ENO4: variants seen among roughly 807,000 people sequenced by gnomAD.
The protein encoded by ENO4 is enolase 4, also known as 2-phospho-D-glycerate hydro-lyase.
In ENO4, 53 loss-of-function variants were observed where a neutral mutation model predicts 63.2. The ratio of observed to expected loss-of-function variants is 0.84; its 90% confidence interval spans 0.67 to 1.05. The LOEUF is 1.05. Ranked by LOEUF, ENO4 falls within the 50% of genes least tolerant of loss-of-function variation. The probability of loss-of-function intolerance (pLI) is 0.00; values close to 1 mark genes in which losing one functional copy is unlikely to be tolerated. For synonymous variants in ENO4, 266 were observed against 283.8 expected (o/e 0.94, Z 0.63); for missense variants, 719 against 772.0 (o/e 0.93, Z 0.81).
intron 10 of ENO4, among the ~76,000 whole-genome samples, chr10:116,888,717 T>A (rs1376973610): frequency 6.6e-6 from 1 of 152,198 alleles, no homozygotes; most frequent in Non-Finnish European, 1.5e-5. Context: ...ACATGCCAGT[T>A]AGGTGAGTCA....
chr10:116,856,342 C>A, intron 2 of ENO4, 150 bp from the exon 3 acceptor site: 1 of 660,948 alleles, frequency 1.5e-6, no homozygotes, highest in Non-Finnish European at 2.5e-6. Context: ...GTTTCAACAG[C>A]TATAAAAATA....
intron 3 of ENO4, among the ~76,000 whole-genome samples, chr10:116,857,781 G>A (rs182872179): frequency 2.8e-4 from 42 of 151,928 alleles, no homozygotes; most frequent in Middle Eastern, 3.4e-3. Flanking sequence ...GGGATTACAT[G>A]CACTTGCCAC....
chr10:116,868,907 G>A (rs545335745), intron 8 of ENO4, among the ~76,000 whole-genome samples: 55 of 152,250 alleles, frequency 3.6e-4, no homozygotes, highest in African/African-American at 1.1e-3. Flanking sequence ...CCCGACCATC[G>A]CTGGCAGCAG....
chr10:116,902,279 T>C (rs1055171323), intron 10 of ENO4, among the ~76,000 whole-genome samples: 1 of 152,194 alleles, frequency 6.6e-6, no homozygotes, highest in Non-Finnish European at 1.5e-5. Flanking sequence ...AGAGTATGGC[T>C]TTCTGACAGC....
chr10:116,891,915 G>T (rs758590654), intron 10 of ENO4, among the ~76,000 whole-genome samples: 1 of 152,068 alleles, frequency 6.6e-6, no homozygotes, highest in Non-Finnish European at 1.5e-5. Flanking sequence ...CTCAAAGAAC[G>T]TATTAAGTTT....
rs1847014099 is a variant in ENO4, at chr10:116,881,557, C to A, written c.1766C>A (p.Ala589Asp). The change falls in exon 14 of 14, where the codon GCT becomes GAT. Residue 589 changes from alanine to aspartate, a missense_variant. Ala to Asp is a moderately radical substitution (Grantham distance 126, BLOSUM62 -2). This residue lies in a region of ENO4 where 168 missense variants were observed against 163.3 expected (regional missense o/e 1.03). Transcript: ENST00000341276. ...ACTTTTTTTTACTTTAATGAGGAAGCTGAAAAGGCTGCGGAGGCACTTGAG... is the reference window on the plus strand; with the variant it reads ...ACTTTTTTTTACTTTAATGAGGAAGATGAAAAGGCTGCGGAGGCACTTGAG... The part of the protein sequence containing the change: ...EHTFFYFNEE[A>D]EKAAEALEAA... The A allele has an allele frequency of 6.5e-7, 1 of 1,548,290 alleles. No homozygotes were observed. The highest frequency in any genetic ancestry group is 8.7e-7 in the Non-Finnish European group (1 of 1,146,366).
At chr10:116,853,306 A>AC (rs1846145743) in intron 1 of ENO4, among the ~76,000 whole-genome samples, 1 of 151,770 alleles carries the variant, frequency 6.6e-6, no homozygotes, top group South Asian at 2.1e-4. Context: ...AAAAAAAAAA[A>AC]AAAAAAAACC....
chr10:116,900,858 GA>G (rs546526942), intron 10 of ENO4: 1 of 984,796 alleles, frequency 1.0e-6, no homozygotes, highest in Admixed American at 6.2e-5. Context: ...TTCCAGAAGA[GA>G]AAAAAAAGTT....
intron 7 of ENO4, among the ~76,000 whole-genome samples, chr10:116,863,156 T>G (rs1846459335): frequency 1.3e-5 from 2 of 152,216 alleles, no homozygotes. Context: ...CTTGATGGAA[T>G]GAAGGCAGAG....
At chr10:116,876,992 G>A (rs1430753068) in intron 11 of ENO4, among the ~76,000 whole-genome samples, 1 of 151,900 alleles carries the variant, frequency 6.6e-6, no homozygotes, top group African/African-American at 2.4e-5. Flanking sequence ...AGAAACCATA[G>A]AGGTACCCCA....
rs1207887210 is a variant in ENO4 at position 116,856,634 on chromosome 10, T to G, written c.437T>G (p.Leu146Arg). 6.5e-7 allele frequency: 1 copy of G among 1,535,776 alleles called. No individual in the cohort carries two copies. Among genetic ancestry groups the G allele is most frequent in the African/African-American group, 1.4e-5 (1 of 73,034 alleles). Residue 146 changes from leucine (L) to arginine (R), a missense_variant, in exon 3 of 14, where the codon CTC becomes CGC. Coordinates refer to ENST00000341276, the MANE Select transcript of ENO4 (RefSeq NM_001242699.2). ...GTCAACAGCACCATCACGCACGAGCTCCAGGGGATGGCACCCTCTGACCAG... is the reference window on the plus strand; with the variant it reads ...GTCAACAGCACCATCACGCACGAGCGCCAGGGGATGGCACCCTCTGACCAG... ...QWVNSTITHE[L>R]QGMAPSDQAE...
intron 6 of ENO4, 52 bp downstream of exon 6, chr10:116,861,242 T>TAG: frequency 5.2e-6 from 2 of 386,928 alleles, no homozygotes; most frequent in Non-Finnish European, 8.0e-6. Context: ...AAAAAATATA[T>TAG]ATATATATAT....
At chr10:116,859,187 GA>G in intron 4 of ENO4, 49 bp downstream of exon 4, 1 of 1,470,482 alleles carries the variant, frequency 6.8e-7, no homozygotes, top group Non-Finnish European at 9.0e-7. Context: ...AATGTGTGAG[GA>G]AGAAAGGCTG....
chr10:116,902,373 A>C (rs1847778456), intron 10 of ENO4, among the ~76,000 whole-genome samples: 1 of 152,198 alleles, frequency 6.6e-6, no homozygotes, highest in South Asian at 2.1e-4. Context: ...GAACCATGTC[A>C]AAAGGCTCTA....
intron 10 of ENO4, among the ~76,000 whole-genome samples, chr10:116,892,628 A>C (rs1477610658): frequency 6.6e-6 from 1 of 152,220 alleles, no homozygotes; most frequent in Non-Finnish European, 1.5e-5. Flanking sequence ...TAAATGTAGT[A>C]GTTTTTCTTT....
chr10:116,894,775 A>G (rs1294417209), intron 10 of ENO4, among the ~76,000 whole-genome samples: 1 of 152,230 alleles, frequency 6.6e-6, no homozygotes. Context: ...ATTAATTGAA[A>G]AAGTGTGAAT....
At chr10:116,857,187 A>G (rs747918705) in intron 3 of ENO4, among the ~76,000 whole-genome samples, 19 of 152,180 alleles carry the variant, frequency 1.2e-4, no homozygotes, top group Non-Finnish European at 1.6e-4. Context: ...GTAACACTAC[A>G]TAGGGCTTTT....
chr10:116,907,929 T>A (rs750479615), intron 10 of ENO4: 6 of 517,252 alleles, frequency 1.2e-5, no homozygotes, highest in South Asian at 8.5e-5. Flanking sequence ...CCTGAAGGAT[T>A]CTAATAATTC....
intron 10 of ENO4, among the ~76,000 whole-genome samples, chr10:116,897,569 CT>C (rs1052173593): frequency 1.3e-5 from 2 of 152,178 alleles, no homozygotes; most frequent in African/African-American, 4.8e-5. Context: ...AGTATCTTAG[CT>C]TTGGTCCTTG....
Sources: allele counts gnomAD v4.1 joint callset (sites outside exome capture counted in the v4.1 genomes callset), GRCh38; gene constraint gnomAD v4.1.1; regional missense constraint gnomAD v4.1.1; transcripts MANE v1.5; gene names NCBI Gene and HGNC (gene_info 2026-07-23, HGNC 2026-07-21).